SMN1: variants seen among roughly 807,000 people sequenced by gnomAD.
SMN1 encodes the protein survival motor neuron protein.
For synonymous variants in SMN1, 3 were observed against 5.1 expected (o/e 0.58, Z 0.56); for missense variants, 15 against 17.1 (o/e 0.88, Z 0.22).
At chr5:70,955,568 C>G (rs1175923945), downstream of SMN1, among the ~76,000 whole-genome samples, 1 of 141,880 alleles carries the variant, frequency 7.0e-6, no homozygotes, top group Non-Finnish European at 1.5e-5. Flanking sequence ...CACCTGAGGT[C>G]GGTAGTTCGA....
At chr5:70,956,859 A>T (rs1333731199), downstream of SMN1, among the ~76,000 whole-genome samples, 2 of 140,846 alleles carry the variant, frequency 1.4e-5, no homozygotes, top group African/African-American at 5.1e-5. Flanking sequence ...GAAGAAAGTC[A>T]TTGGTAGCTT....
the SMN1 span, among the ~76,000 whole-genome samples, chr5:70,959,169 C>G: frequency 6.7e-6 from 1 of 148,804 alleles, no homozygotes; most frequent in Non-Finnish European, 1.5e-5. Flanking sequence ...AAAAACCAAA[C>G]ACCGCATGTT....
rs1462959028 is a variant in SMN1 at position 70,951,892 on chromosome 5, T to G, written c.835-49T>G. 5.8e-6 allele frequency: 9 copies of G among 1,555,902 alleles called. No individual in the cohort carries two copies. The East Asian group carries it at 9.0e-5, about 16-fold the overall frequency. ...ATATAAAGCTATCTATATATAGCTA[T>G]CTATGTCTATATAGCTATTTTTTTT... is the stretch of plus-strand genomic sequence containing the variant. On this transcript the variant is annotated intron_variant, in intron 7 of 8. Transcript: ENST00000380707.
chr5:70,963,880 T>C, the SMN1 span, among the ~76,000 whole-genome samples: 2 of 23,158 alleles, frequency 8.6e-5, no homozygotes, highest in African/African-American at 3.6e-4. Context: ...GTTTCAAACT[T>C]TTTTTTTTTT....
chr5:70,950,534 A>C, intron 7 of SMN1, among the ~76,000 whole-genome samples: 2 of 141,674 alleles, frequency 1.4e-5, no homozygotes, highest in Non-Finnish European at 1.5e-5. Flanking sequence ...GCTCACTGCA[A>C]CCTCCGCCTC....
chr5:70,950,348 C>T (rs2515824), intron 7 of SMN1, among the ~76,000 whole-genome samples: 13,966 of 141,812 alleles, frequency 0.098, 886 homozygotes, highest in Admixed American at 0.15. Context: ...ACTGAGAAGG[C>T]GGAGGTTGCG....
chr5:70,950,068 C>CA lies in SMN1; in HGVS notation c.835-1860dup, dbSNP rs1274411771. 8.8e-3 allele frequency among the ~76,000 whole-genome samples: 1,100 copies of CA among 124,476 alleles called. 18 individuals are homozygous for CA. Among genetic ancestry groups the CA allele is most frequent in the Middle Eastern group, 0.021 (5 of 234 alleles). 81.7% of individuals were successfully genotyped at this position (124,476 alleles called of 152,430 possible). A position where few individuals can be genotyped will look rare whatever the true frequency, so the allele number is the denominator to read the frequency against. ...GGGCAATAAGAGCAAAACTCCATCTCAAAAAAAAAAAAATAAGGTATAAGC... is the reference window on the plus strand; with the variant it reads ...GGGCAATAAGAGCAAAACTCCATCTCAAAAAAAAAAAAAATAAGGTATAAGC... On this transcript the variant is annotated intron_variant, in intron 7 of 8. Transcript: ENST00000380707.
intron 7 of SMN1, among the ~76,000 whole-genome samples, chr5:70,951,285 T>A (rs1476889087): frequency 3.2e-4 from 48 of 150,512 alleles, no homozygotes; most frequent in Non-Finnish European, 4.9e-4. Flanking sequence ...TTATTTATTT[T>A]TTTTTGAGAC....
downstream of SMN1, among the ~76,000 whole-genome samples, chr5:70,955,180 A>C (rs1020677224): frequency 1.4e-5 from 2 of 146,706 alleles, no homozygotes; most frequent in African/African-American, 2.5e-5. Flanking sequence ...ACACCATTGC[A>C]CTTCAGCCTG....
At chr5:70,958,743 C>T (rs1420777024), downstream of SMN1, among the ~76,000 whole-genome samples, 4 of 144,662 alleles carry the variant, frequency 2.8e-5, no homozygotes, top group African/African-American at 7.6e-5. Context: ...ACTATGTGGT[C>T]AATTTTGGAA....
intron 7 of SMN1, among the ~76,000 whole-genome samples, chr5:70,950,332 G>A (rs1749653690): frequency 6.8e-6 from 1 of 147,604 alleles, no homozygotes; most frequent in African/African-American, 2.5e-5. Flanking sequence ...CAGGAGAGTT[G>A]CTTGAACTGA....
the SMN1 span, among the ~76,000 whole-genome samples, chr5:70,960,775 A>T: frequency 5.4e-5 from 8 of 147,464 alleles, 1 homozygote; most frequent in Non-Finnish European, 7.5e-5. Context: ...GGCTCACTGC[A>T]ACCTCCTCCT....
chr5:70,945,555 C>G lies in SMN1; in HGVS notation c.724-511C>G, dbSNP rs1390939719. Among the ~76,000 whole-genome samples the G allele has an allele frequency of 8.7e-5, 9 of 103,082 alleles. 1 individual carries two copies. The highest frequency in any genetic ancestry group is 2.1e-4 in the Admixed American group (2 of 9,422). The allele number at this position is 103,082 out of a possible 152,430, so 67.6% of individuals were successfully genotyped here. On this transcript the variant is annotated intron_variant, in intron 6 of 8. Coordinates refer to ENST00000380707, the MANE Select transcript of SMN1 (RefSeq NM_000344.4). ...CAAGACATTTACTTAAAATCGCCCT[C>G]GAAATGCTATGTGAGCTGTGTGTGT...
chr5:70,950,127 AG>A (rs1434668110), intron 7 of SMN1, among the ~76,000 whole-genome samples: 1 of 148,660 alleles, frequency 6.7e-6, no homozygotes. Context: ...TACTGAAAGA[AG>A]AAAAATCAGC....
chr5:70,951,037 T>C (rs1281183050), intron 7 of SMN1, among the ~76,000 whole-genome samples: 1 of 151,764 alleles, frequency 6.6e-6, no homozygotes, highest in Non-Finnish European at 1.5e-5. Context: ...CCTCCAAAAG[T>C]GCAAGGCATT....
At chr5:70,928,336 C>A in intron 1 of SMN1, among the ~76,000 whole-genome samples, 1 of 34,732 alleles carries the variant, frequency 2.9e-5, no homozygotes, top group Non-Finnish European at 4.2e-5. Context: ...GTGGGAGGAT[C>A]AATGTACTGC....
At chr5:70,928,300 C>A (rs1227978552) in intron 1 of SMN1, among the ~76,000 whole-genome samples, 21 of 9,078 alleles carry the variant, frequency 2.3e-3, no homozygotes, top group East Asian at 0.027. Flanking sequence ...GACTCTGCCT[C>A]AAAAAAAAAA....
chr5:70,959,376 T>C, the SMN1 span, among the ~76,000 whole-genome samples: 6 of 147,738 alleles, frequency 4.1e-5, no homozygotes, highest in East Asian at 1.0e-3. Flanking sequence ...CTGCACATTG[T>C]GCACATGTAC....
At position 70,945,526 on chromosome 5, in the gene SMN1, T is replaced by C. The variant is rs926013714; in HGVS notation, c.724-540T>C. ...TGGGATGGGGTTAGAACAGGTGTTCTACCCAAGACATTTACTTAAAATCGC... is the reference window on the plus strand; with the variant it reads ...TGGGATGGGGTTAGAACAGGTGTTCCACCCAAGACATTTACTTAAAATCGC... On this transcript the variant is annotated intron_variant, in intron 6 of 8. Transcript: ENST00000380707. 1.2e-4 allele frequency among the ~76,000 whole-genome samples: 11 copies of C among 93,104 alleles called. 3 individuals are homozygous for C. Among genetic ancestry groups the C allele is most frequent in the African/African-American group, 6.0e-4 (11 of 18,244 alleles). 61.1% of individuals were successfully genotyped at this position (93,104 alleles called of 152,430 possible).
Sources: gnomAD v4.1 joint callset for allele counts (sites outside exome capture counted in the v4.1 genomes callset) on GRCh38, gnomAD v4.1.1 for gene constraint, MANE v1.5 for transcripts, NCBI Gene and HGNC (gene_info 2026-07-23, HGNC 2026-07-21) for gene names.